The following MGAT4C variants were observed in gnomAD, a reference collection of about 807,000 sequenced individuals.
MGAT4C encodes the protein alpha-1,3-mannosyl-glycoprotein 4-beta-N-acetylglucosaminyltransferase C.
A neutral mutation model predicts 40.1 loss-of-function variants in MGAT4C; 19 were observed. The ratio of observed to expected loss-of-function variants is 0.47; its 90% confidence interval spans 0.33 to 0.70. The LOEUF (loss-of-function observed/expected upper bound fraction) is 0.70, where lower values mean the gene tolerates loss of function less well. Ranked by LOEUF, MGAT4C falls within the 30% of genes least tolerant of loss-of-function variation. MGAT4C has a pLI of 0.02. For synonymous variants in MGAT4C, 181 were observed against 187.1 expected (o/e 0.97, Z 0.27); for missense variants, 491 against 563.2 (o/e 0.87, Z 1.30).
chr12:86,300,440 T>C (rs1005570304), intron 4 of MGAT4C, among the ~76,000 whole-genome samples: 1 of 152,098 alleles, frequency 6.6e-6, no homozygotes, highest in African/African-American at 2.4e-5. Context: ...AAATCAGTAA[T>C]TCTGAAATTG....
At chr12:86,324,696 GTTGT>G (rs539835121) in intron 4 of MGAT4C, among the ~76,000 whole-genome samples, 186 of 151,728 alleles carry the variant, frequency 1.2e-3, no homozygotes, top group Middle Eastern at 3.2e-3. Flanking sequence ...AGAAACGAGA[GTTGT>G]TTTTTTTTTC....
At chr12:86,163,583 T>C (rs753335018) in intron 1 of MGAT4C, among the ~76,000 whole-genome samples, 8 of 151,980 alleles carry the variant, frequency 5.3e-5, no homozygotes, top group Non-Finnish European at 8.8e-5. Context: ...CATAACAGAT[T>C]TTTTTTTGTT....
At chr12:86,074,469 G>A (rs966519015) in intron 1 of MGAT4C, among the ~76,000 whole-genome samples, 1 of 152,070 alleles carries the variant, frequency 6.6e-6, no homozygotes, top group African/African-American at 2.4e-5. Flanking sequence ...TTTGCATTTT[G>A]TAGAATAATC....
At chr12:86,169,862 T>G (rs549661598) in intron 1 of MGAT4C, among the ~76,000 whole-genome samples, 2 of 152,314 alleles carry the variant, frequency 1.3e-5, no homozygotes, top group South Asian at 2.1e-4. Flanking sequence ...TTAAAAAAGT[T>G]TATGGAATGA....
chr12:86,201,751 A>C (rs1317410634), intron 1 of MGAT4C, among the ~76,000 whole-genome samples: 1 of 151,874 alleles, frequency 6.6e-6, no homozygotes, highest in Non-Finnish European at 1.5e-5. Context: ...ATTGGATAAC[A>C]AACATTCTAA....
intron 4 of MGAT4C, among the ~76,000 whole-genome samples, chr12:86,265,548 G>C (rs1273472986): frequency 1.3e-5 from 2 of 152,136 alleles, no homozygotes; most frequent in Non-Finnish European, 2.9e-5. Context: ...CCAGTACCAC[G>C]TTGTTCTAAG....
At chr12:86,263,598 A>C (rs752005240) in intron 4 of MGAT4C, among the ~76,000 whole-genome samples, 3 of 152,126 alleles carry the variant, frequency 2.0e-5, no homozygotes, top group Non-Finnish European at 2.9e-5. Flanking sequence ...AAGTTGATTC[A>C]ATGTCTTTGC....
intron 1 of MGAT4C, among the ~76,000 whole-genome samples, chr12:86,071,730 C>T (rs1868520498): frequency 6.6e-6 from 1 of 151,782 alleles, no homozygotes; most frequent in Non-Finnish European, 1.5e-5. Context: ...TTTTATTATC[C>T]CATTTTACAT....
intron 3 of MGAT4C, among the ~76,000 whole-genome samples, chr12:86,423,509 C>A (rs981116923): frequency 2.0e-5 from 3 of 151,932 alleles, no homozygotes; most frequent in Non-Finnish European, 4.4e-5. Flanking sequence ...TATATAATTT[C>A]TTCTATTGAG....
intron 1 of MGAT4C, among the ~76,000 whole-genome samples, chr12:86,819,420 A>C (rs4558226): frequency 1.3e-5 from 2 of 150,658 alleles, no homozygotes; most frequent in African/African-American, 2.4e-5. Flanking sequence ...GAAAAAAACT[A>C]TACTGCAAAT....
chr12:86,676,466 CT>C (rs1405153494), intron 2 of MGAT4C, among the ~76,000 whole-genome samples: 28 of 152,090 alleles, frequency 1.8e-4, no homozygotes, highest in African/African-American at 6.8e-4. Flanking sequence ...TACACATAAT[CT>C]ACATTCCACA....
At chr12:86,345,700 G>A (rs2136187749) in intron 3 of MGAT4C, among the ~76,000 whole-genome samples, 1 of 152,250 alleles carries the variant, frequency 6.6e-6, no homozygotes, top group Middle Eastern at 3.4e-3. Flanking sequence ...TGTGAATAGT[G>A]CTGCAATAAA....
chr12:86,542,499 T>C (rs1367058968), intron 2 of MGAT4C, among the ~76,000 whole-genome samples: 1 of 152,160 alleles, frequency 6.6e-6, no homozygotes, highest in East Asian at 1.9e-4. Context: ...CTCTCAACCA[T>C]TATGTTGTGG....
intron 1 of MGAT4C, among the ~76,000 whole-genome samples, chr12:86,792,124 TAC>T (rs1952032851): frequency 6.6e-6 from 1 of 152,184 alleles, no homozygotes; most frequent in African/African-American, 2.4e-5. Flanking sequence ...AGTATTTTCT[TAC>T]AGTCAGGTAA....
intron 3 of MGAT4C, among the ~76,000 whole-genome samples, chr12:86,361,350 G>T (rs532186986): frequency 1.3e-5 from 2 of 152,164 alleles, no homozygotes; most frequent in Non-Finnish European, 2.9e-5. Context: ...ATGGATTAAA[G>T]ACTTAAATGT....
intron 1 of MGAT4C, among the ~76,000 whole-genome samples, chr12:86,188,778 C>T (rs1330278551): frequency 2.6e-5 from 4 of 151,710 alleles, no homozygotes; most frequent in African/African-American, 9.7e-5. Flanking sequence ...TTCGATTCAT[C>T]TGAGTTTATT....
intron 2 of MGAT4C, among the ~76,000 whole-genome samples, chr12:86,577,549 T>G (rs185340890): frequency 1.3e-5 from 2 of 151,866 alleles, no homozygotes; most frequent in Non-Finnish European, 2.9e-5. Context: ...GAAATGGTCA[T>G]ATAGTTTTTA....
At chr12:86,150,205 C>T (rs548197837) in intron 1 of MGAT4C, among the ~76,000 whole-genome samples, 1 of 152,290 alleles carries the variant, frequency 6.6e-6, no homozygotes, top group Non-Finnish European at 1.5e-5. Context: ...GCTGATCTTA[C>T]AAGACATGAA....
chr12:86,448,020 T>C (rs556010952), intron 2 of MGAT4C, among the ~76,000 whole-genome samples: 1 of 152,300 alleles, frequency 6.6e-6, no homozygotes, highest in East Asian at 1.9e-4. Context: ...TGGCCAATGG[T>C]GCATGATTGA....
Sources: allele counts gnomAD v4.1 joint callset (sites outside exome capture counted in the v4.1 genomes callset), GRCh38; gene constraint gnomAD v4.1.1; transcripts MANE v1.5; gene names NCBI Gene and HGNC (gene_info 2026-07-23, HGNC 2026-07-21).